Variants in ST3GAL1 observed in about 807,000 individuals in gnomAD.
ST3GAL1 encodes CMP-N-acetylneuraminate-beta-galactosamide-alpha-2,3-sialyltransferase 1.
ST3GAL1 carries 16 observed loss-of-function variants against 34.1 expected under a neutral mutation model. That is an observed-to-expected ratio of 0.47 (90% CI 0.32 to 0.71). The LOEUF (loss-of-function observed/expected upper bound fraction) is 0.71, where lower values mean the gene tolerates loss of function less well. Ranked by LOEUF, ST3GAL1 falls within the 30% of genes least tolerant of loss-of-function variation. The pLI is 0.04. For synonymous variants in ST3GAL1, 191 were observed against 184.7 expected, an observed-to-expected ratio of 1.03 and a Z score of -0.28; for missense variants, 353 against 447.4, an observed-to-expected ratio of 0.79 and a Z score of 1.90.
Position 133,461,855 on chromosome 8 carries a change from G to A in ST3GAL1, c.849+20C>T, listed in dbSNP as rs1306560527. 2 of 1,613,674 alleles carry A rather than the reference G, an allele frequency of 1.2e-6. No individual in the cohort carries two copies. Among genetic ancestry groups the A allele is most frequent in the East Asian group, 2.2e-5 (1 of 44,868 alleles). On this transcript the variant is annotated intron_variant, in intron 9 of 9. Transcript: ENST00000522652. The surrounding 1 kb of genome is among the most constrained non-coding windows in gnomAD (Gnocchi z 4.7). ...GGTGAGCTTCGAGGCAGCCCTGTGG[G>A]CAGGGGGAGGGTGGCATACCTCATC...
chr8:133,548,884 A>G (rs992520729), intron 1 of ST3GAL1, among the ~76,000 whole-genome samples: 1 of 152,192 alleles, frequency 6.6e-6, no homozygotes, highest in Non-Finnish European at 1.5e-5. Flanking sequence ...GGAGGCACTA[A>G]ATAATGACCA....
At chr8:133,504,712 G>C (rs1470188113) in intron 2 of ST3GAL1, among the ~76,000 whole-genome samples, 1 of 151,388 alleles carries the variant, frequency 6.6e-6, no homozygotes, top group Non-Finnish European at 1.5e-5. Flanking sequence ...GAAGAGACAG[G>C]GGAATTCAGC....
chr8:133,487,957 G>C (rs999954886), intron 3 of ST3GAL1: 1 of 98,200 alleles, frequency 1.0e-5, no homozygotes, highest in Non-Finnish European at 2.0e-5. Flanking sequence ...AACAGAGCGA[G>C]ACTCTGTCGA....
rs1346799340 is a variant in ST3GAL1, at chr8:133,508,783, T to C, written c.-428-9594A>G. Among the ~76,000 whole-genome samples the C allele has an allele frequency of 6.6e-6, 1 of 151,980 alleles. No homozygotes were observed. The highest frequency in any genetic ancestry group is 2.4e-5 in the African/African-American group (1 of 41,384). On this transcript the variant is annotated intron_variant, in intron 2 of 9. Transcript: ENST00000522652. This position sits in a 1 kb window ranked among gnomAD's most constrained non-coding sequence, Gnocchi z 4.1. ...ACTGGAGATACAATGAGGAGTGAAA[T>C]ATATAGTCCCTCTCTGAAAGCTTGT... is the stretch of plus-strand genomic sequence containing the variant.
intron 2 of ST3GAL1, among the ~76,000 whole-genome samples, chr8:133,528,477 A>G (rs1226868168): frequency 1.3e-5 from 2 of 152,252 alleles, no homozygotes; most frequent in African/African-American, 4.8e-5. Flanking sequence ...AGTGATGGGA[A>G]CACTAGTAAT....
At chr8:133,557,392 G>A (rs4236904) in intron 1 of ST3GAL1, among the ~76,000 whole-genome samples, 1 of 151,938 alleles carries the variant, frequency 6.6e-6, no homozygotes, top group South Asian at 2.1e-4. Context: ...GGCACAGAAG[G>A]CATGTTCTCT....
chr8:133,483,239 G>A (rs1208596434), intron 3 of ST3GAL1, among the ~76,000 whole-genome samples: 1 of 152,182 alleles, frequency 6.6e-6, no homozygotes, highest in Non-Finnish European at 1.5e-5. Context: ...CTACTTAGGA[G>A]GCTGAGGCAG....
intron 1 of ST3GAL1, among the ~76,000 whole-genome samples, chr8:133,547,841 C>T (rs915310699): frequency 1.3e-5 from 2 of 152,070 alleles, no homozygotes; most frequent in Admixed American, 6.5e-5. Context: ...AAGTTCAGCC[C>T]CTGTTGAGTT....
At chr8:133,555,824 C>T (rs929533170) in intron 1 of ST3GAL1, among the ~76,000 whole-genome samples, 4 of 152,152 alleles carry the variant, frequency 2.6e-5, no homozygotes, top group African/African-American at 9.6e-5. Context: ...AGCTTGAAGG[C>T]CATCTCTTCT....
At chr8:133,484,909 C>T (rs1235399973) in intron 3 of ST3GAL1, among the ~76,000 whole-genome samples, 1 of 152,174 alleles carries the variant, frequency 6.6e-6, no homozygotes, top group African/African-American at 2.4e-5. Flanking sequence ...GGGTATCACG[C>T]ACTGGGAATT....
At chr8:133,472,579 T>C (rs543790815) in intron 5 of ST3GAL1, among the ~76,000 whole-genome samples, 2 of 152,374 alleles carry the variant, frequency 1.3e-5, no homozygotes, top group South Asian at 4.1e-4. Flanking sequence ...ATGGCTTTGT[T>C]GTCAGATATT....
Position 133,464,758 on chromosome 8 carries a change from G to A in ST3GAL1, c.683+20C>T. 6.2e-7 allele frequency: 1 copy of A among 1,603,782 alleles called. No individual in the cohort carries two copies. The highest frequency in any genetic ancestry group is 8.5e-7 in the Non-Finnish European group (1 of 1,173,304). The stretch of plus-strand genomic sequence containing the variant: ...CTGCAAGGGGCAGAGCAGCGAGGCG[G>A]GGCCACAGGAGGGACTCACTGGGAA... On this transcript the variant is annotated intron_variant, in intron 7 of 9. Transcript: ENST00000522652.
At chr8:133,565,221 C>A (rs1220470965) in intron 1 of ST3GAL1, among the ~76,000 whole-genome samples, 1 of 151,014 alleles carries the variant, frequency 6.6e-6, no homozygotes, top group African/African-American at 2.4e-5. Context: ...CCTAATCCAC[C>A]TCCACCTTGT....
chr8:133,518,741 C>T (rs572316105), intron 2 of ST3GAL1, among the ~76,000 whole-genome samples: 7 of 152,194 alleles, frequency 4.6e-5, no homozygotes, highest in Non-Finnish European at 5.9e-5. Flanking sequence ...CAGTACTATG[C>T]GCCAAACACT....
At chr8:133,538,378 G>A (rs1268619149) in intron 2 of ST3GAL1, among the ~76,000 whole-genome samples, 7 of 152,180 alleles carry the variant, frequency 4.6e-5, no homozygotes, top group Non-Finnish European at 1.0e-4. Flanking sequence ...AGCCAGGTGT[G>A]GTGGTGGGAG....
chr8:133,464,416 A>G (rs1223815520), intron 7 of ST3GAL1, among the ~76,000 whole-genome samples: 2 of 152,172 alleles, frequency 1.3e-5, no homozygotes, highest in African/African-American at 4.8e-5. Context: ...CGCTCACATA[A>G]GTTTGAAAAA....
In ST3GAL1 at chr8:133,467,281, C is replaced by T. The variant is rs796522807; in HGVS notation, c.307-1191G>A. Among the ~76,000 whole-genome samples, 9 of 152,260 alleles carry T rather than the reference C, an allele frequency of 5.9e-5. No individual in the cohort carries two copies. Among genetic ancestry groups the T allele is most frequent in the African/African-American group, 1.9e-4 (8 of 41,542 alleles). ...TGGCCCCCGGTGGTTTCACTATTGG[C>T]CCCCGCTGCATGCCCAGGCCCGCCC... On this transcript the variant is annotated intron_variant, in intron 5 of 9. Transcript: ENST00000522652. This position sits in a 1 kb window ranked among gnomAD's most constrained non-coding sequence, Gnocchi z 4.2.
At chr8:133,470,751 G>T (rs1179075151) in intron 5 of ST3GAL1, among the ~76,000 whole-genome samples, 1 of 152,188 alleles carries the variant, frequency 6.6e-6, no homozygotes, top group Non-Finnish European at 1.5e-5. Context: ...GGCTGGGGGC[G>T]AGGCGAGTGA....
At chr8:133,534,712 G>C (rs1386397759) in intron 2 of ST3GAL1, among the ~76,000 whole-genome samples, 2 of 152,196 alleles carry the variant, frequency 1.3e-5, no homozygotes, top group Non-Finnish European at 1.5e-5. Flanking sequence ...TAATCCCCAA[G>C]GGGGCCCAGG....
Sources: gnomAD v4.1 joint callset for allele counts (sites outside exome capture counted in the v4.1 genomes callset) on GRCh38, gnomAD v4.1.1 for gene constraint, Gnocchi (gnomAD v3.1) non-coding constraint, MANE v1.5 for transcripts, NCBI Gene and HGNC (gene_info 2026-07-23, HGNC 2026-07-21) for gene names.